Variants in DHRSX observed in about 807,000 individuals in gnomAD.
The protein encoded by DHRSX is polyprenol dehydrogenase.
A neutral mutation model predicts 34.0 loss-of-function variants in DHRSX; 31 were observed. The observed-to-expected ratio is 0.91, with a 90% confidence interval of 0.69 to 1.23. DHRSX has a LOEUF of 1.23. DHRSX is among the 50% of genes most tolerant of loss of function. The probability of loss-of-function intolerance (pLI) is 0.00; values close to 1 mark genes in which losing one functional copy is unlikely to be tolerated. For missense variants in DHRSX, 414 were observed against 428.1 expected (o/e 0.97, Z 0.29); for synonymous variants, 201 against 183.8 (o/e 1.09, Z -0.76).
intron 3 of DHRSX, among the ~76,000 whole-genome samples, chrX:2,296,391 G>A (rs2041931934): frequency 6.6e-6 from 1 of 152,108 alleles, no homozygotes; most frequent in Non-Finnish European, 1.5e-5. Flanking sequence ...AGGGGAGAAA[G>A]GTGAAGTGAA....
chrX:2,301,941 T>G (rs1237191616), intron 3 of DHRSX, among the ~76,000 whole-genome samples: 1 of 152,186 alleles, frequency 6.6e-6, no homozygotes, highest in African/African-American at 2.4e-5. Flanking sequence ...CGGCCTCATC[T>G]AGCTCTTGAT....
At chrX:2,293,854 T>C (rs1210057803) in intron 3 of DHRSX, among the ~76,000 whole-genome samples, 2 of 152,140 alleles carry the variant, frequency 1.3e-5, no homozygotes, top group African/African-American at 2.4e-5. Flanking sequence ...CCCCCATGTC[T>C]GCACTGATGT....
rs1409797142 is a variant in DHRSX at position 2,337,845 on chromosome X, G to A, written c.287-46242C>T. 12 of 151,992 alleles carry A rather than the reference G, an allele frequency of 7.9e-5. 1 individual carries two copies. Among genetic ancestry groups the A allele is most frequent in the Admixed American group, 2.6e-4 (4 of 15,156 alleles). 9.4% of individuals were successfully genotyped at this position (151,992 alleles called of 1,614,324 possible). On this transcript the variant is annotated intron_variant, in intron 3 of 6. Coordinates refer to ENST00000334651, the MANE Select transcript of DHRSX (RefSeq NM_145177.3). ...TTCCTTCTTCAGAAACAGAGACGGG[G>A]TGCGGAGGCATTTTACAACCCAGGG...
At chrX:2,345,804 A>G (rs1341401964) in intron 3 of DHRSX, among the ~76,000 whole-genome samples, 1 of 152,166 alleles carries the variant, frequency 6.6e-6, no homozygotes. Context: ...CTGCCAACAG[A>G]TGGACTTTGG....
chrX:2,409,978 C>T (rs1443194185), intron 2 of DHRSX, among the ~76,000 whole-genome samples: 1 of 152,052 alleles, frequency 6.6e-6, no homozygotes, highest in African/African-American at 2.4e-5. Context: ...GTGATCCTCC[C>T]GCCTCGGCCT....
intron 3 of DHRSX, among the ~76,000 whole-genome samples, chrX:2,301,338 T>C (rs1393369556): frequency 6.6e-6 from 1 of 152,126 alleles, no homozygotes; most frequent in Non-Finnish European, 1.5e-5. Context: ...CGCTTGAACC[T>C]GGGAGGCGGA....
chrX:2,265,068 G>C (rs775591806), intron 5 of DHRSX, among the ~76,000 whole-genome samples: 1 of 148,606 alleles, frequency 6.7e-6, no homozygotes, highest in African/African-American at 2.5e-5. Context: ...ACTGTCCCCA[G>C]AGCACCAGTA....
intron 3 of DHRSX, among the ~76,000 whole-genome samples, chrX:2,379,045 G>C (rs2043174487): frequency 1.3e-5 from 2 of 152,128 alleles, no homozygotes; most frequent in African/African-American, 4.8e-5. Context: ...CTCATGATCT[G>C]TCACTGTCTC....
intron 3 of DHRSX, among the ~76,000 whole-genome samples, chrX:2,300,322 G>T (rs1254768016): frequency 6.6e-6 from 1 of 152,142 alleles, no homozygotes; most frequent in African/African-American, 2.4e-5. Flanking sequence ...AGCTCAAAAG[G>T]GTGAGGCCCT....
chrX:2,375,547 T>C lies in DHRSX; in HGVS notation c.286+33198A>G, dbSNP rs1043884301. ...AGGGTTGTTTTGGTTTCCTTGTGTG[T>C]TTGTTTCTTGATTTATTCTCTCTTG... On this transcript the variant is annotated intron_variant, in intron 3 of 6. Coordinates refer to ENST00000334651, the MANE Select transcript of DHRSX (RefSeq NM_145177.3). Among the ~76,000 whole-genome samples, 10 of 137,046 alleles carry C rather than the reference T, an allele frequency of 7.3e-5. 2 individuals carry two copies. The highest frequency in any genetic ancestry group is 3.4e-5 in the Non-Finnish European group (2 of 58,106). 89.9% of individuals were successfully genotyped at this position (137,046 alleles called of 152,430 possible).
In DHRSX at chrX:2,473,390, G is replaced by A. The variant is rs189397972; in HGVS notation, c.109+27427C>T. 5.3e-5 allele frequency among the ~76,000 whole-genome samples: 8 copies of A among 152,192 alleles called. No individual in the cohort carries two copies. In the East Asian group the frequency reaches 9.6e-4, roughly 18 times the overall value. On this transcript the variant is annotated intron_variant, in intron 1 of 6. Coordinates refer to ENST00000334651, the MANE Select transcript of DHRSX (RefSeq NM_145177.3). ...TGTCATCCTAACATTTTGGGAGGCCGAGGCGGATGGATCACCTGAAGTCAG... is the reference window on the plus strand; with the variant it reads ...TGTCATCCTAACATTTTGGGAGGCCAAGGCGGATGGATCACCTGAAGTCAG...
intron 3 of DHRSX, among the ~76,000 whole-genome samples, chrX:2,325,926 A>G (rs1473385992): frequency 1.3e-5 from 2 of 152,162 alleles, no homozygotes; most frequent in African/African-American, 2.4e-5. Flanking sequence ...CTGATGCCCA[A>G]TGACGAACCC....
intron 3 of DHRSX, among the ~76,000 whole-genome samples, chrX:2,342,137 G>T (rs137912737): frequency 6.6e-6 from 1 of 152,062 alleles, no homozygotes; most frequent in Admixed American, 6.6e-5. Context: ...GGGCGTGAAG[G>T]TTCAGTAAGA....
At chrX:2,232,424 C>T (rs933361383) in intron 6 of DHRSX, among the ~76,000 whole-genome samples, 3 of 152,090 alleles carry the variant, frequency 2.0e-5, no homozygotes, top group South Asian at 2.1e-4. Flanking sequence ...TTGTCCACAG[C>T]CCCAAAGCTG....
intron 1 of DHRSX, among the ~76,000 whole-genome samples, chrX:2,478,503 C>T (rs1352679118): frequency 1.7e-5 from 2 of 116,536 alleles, no homozygotes; most frequent in Non-Finnish European, 3.7e-5. Flanking sequence ...AGGGACTGCA[C>T]TAAAGATGTT....
At chrX:2,327,889 G>C (rs1334483322) in intron 3 of DHRSX, among the ~76,000 whole-genome samples, 1 of 151,968 alleles carries the variant, frequency 6.6e-6, no homozygotes, top group East Asian at 1.9e-4. Context: ...GACCATCCTG[G>C]CTAACACGGT....
chrX:2,397,510 G>A (rs1271336479), intron 3 of DHRSX, among the ~76,000 whole-genome samples: 2 of 151,920 alleles, frequency 1.3e-5, no homozygotes, highest in African/African-American at 4.8e-5. Flanking sequence ...CCTGTGCTCT[G>A]GTGGGAGAAG....
At chrX:2,245,421 G>A (rs1437061759) in intron 5 of DHRSX, among the ~76,000 whole-genome samples, 1 of 151,760 alleles carries the variant, frequency 6.6e-6, no homozygotes, top group African/African-American at 2.4e-5. Flanking sequence ...CCATTCTCCT[G>A]CCTCAGCCTC....
intron 3 of DHRSX, among the ~76,000 whole-genome samples, chrX:2,349,605 T>G (rs1227877206): frequency 6.6e-6 from 1 of 151,934 alleles, no homozygotes; most frequent in Non-Finnish European, 1.5e-5. Context: ...GAGAATCACT[T>G]GAACTTGGGA....
Sources: allele counts gnomAD v4.1 joint callset (sites outside exome capture counted in the v4.1 genomes callset), GRCh38; gene constraint gnomAD v4.1.1; transcripts MANE v1.5; gene names NCBI Gene and HGNC (gene_info 2026-07-23, HGNC 2026-07-21).